DENND2B: variants seen among roughly 807,000 people sequenced by gnomAD.
DENND2B encodes the protein DENN domain containing 2B, also known as DENN domain-containing protein 2B.
In DENND2B, 32 loss-of-function variants were observed where a neutral mutation model predicts 116.0. That is an observed-to-expected ratio of 0.28 (90% CI 0.21 to 0.37). The LOEUF is 0.37. Among genes scored for constraint, DENND2B ranks in the 10% least tolerant of loss-of-function variants. DENND2B has a pLI of 1.00. For missense variants in DENND2B, 1,276 were observed against 1,477.7 expected, an observed-to-expected ratio of 0.86 and a Z score of 2.24; for synonymous variants, 588 against 583.9, an observed-to-expected ratio of 1.01 and a Z score of -0.10.
chr11:8,792,316 T>C (rs962276682), intron 1 of DENND2B, among the ~76,000 whole-genome samples: 1 of 152,118 alleles, frequency 6.6e-6, no homozygotes. Flanking sequence ...AAAGAAAACA[T>C]GAATAAATTT....
At chr11:8,715,511 AG>A (rs780147032) in intron 6 of DENND2B, 91 bp downstream of exon 6, 6 of 1,333,982 alleles carry the variant, frequency 4.5e-6, no homozygotes, top group Non-Finnish European at 6.3e-6. Flanking sequence ...AGTCCAGATT[AG>A]GGAAGGAAGG....
rs202036178 is a variant in DENND2B, at chr11:8,730,554, C to A, written c.736G>T (p.Ala246Ser). ...TAGAAAGAGTCCCGGACAGGGAGCG[C>A]CTCTCCCTCCTCCTCAGTCTCTGGG... ...SYPETEEEGE[A>S]LPVRDSFYRL... The change falls in exon 3 of 20, where the codon GCG becomes TCG. Residue 246 changes from alanine to serine, a missense_variant. Physicochemically the swap from Ala to Ser is moderately conservative, Grantham distance 99. Coordinates refer to ENST00000313726, the MANE Select transcript of DENND2B (RefSeq NM_213618.2). This position sits in a 1 kb window ranked among gnomAD's most constrained non-coding sequence, Gnocchi z 4.1. The A allele has an allele frequency of 3.7e-6, 6 of 1,613,216 alleles. No homozygotes were observed. The Admixed American group carries it at 6.7e-5, about 18-fold the overall frequency.
intron 1 of DENND2B, among the ~76,000 whole-genome samples, chr11:8,797,788 T>C (rs1010887416): frequency 2.0e-5 from 3 of 151,934 alleles, no homozygotes; most frequent in Non-Finnish European, 2.9e-5. Flanking sequence ...TCAGATTCAA[T>C]GTTCCTCTCT....
chr11:8,715,613 C>A lies in DENND2B; in HGVS notation c.1835G>T (p.Arg612Leu). 6.2e-7 allele frequency: 1 copy of A among 1,609,750 alleles called. No individual in the cohort carries two copies. The highest frequency in any genetic ancestry group is 8.5e-7 in the Non-Finnish European group (1 of 1,177,576). ...CTCTGGGGAGGGTACCTTGGGAATG[C>A]GGCGGGCCCGGCGGCTGGACAGCAG... ...SELLSSRRAR[R>L]IPKLVQRINS... The change falls in exon 6 of 20, where the codon CGC becomes CTC. Residue 612 changes from arginine to leucine, a missense_variant. This residue lies in a region of DENND2B where 856 missense variants were observed against 846.6 expected (regional missense o/e 1.01). Transcript: ENST00000313726.
chr11:8,805,113 C>T (rs1285838071), intron 1 of DENND2B, among the ~76,000 whole-genome samples: 4 of 152,196 alleles, frequency 2.6e-5, no homozygotes, highest in Non-Finnish European at 5.9e-5. Flanking sequence ...ATTAAATAAC[C>T]TGCCCAAGGT....
chr11:8,805,780 A>G (rs1426480690), intron 1 of DENND2B, among the ~76,000 whole-genome samples: 1 of 152,178 alleles, frequency 6.6e-6, no homozygotes, highest in Non-Finnish European at 1.5e-5. Flanking sequence ...AACGTCTATT[A>G]TAACATGACA....
At chr11:8,715,024 C>T (rs1254839371) in intron 6 of DENND2B, among the ~76,000 whole-genome samples, 1 of 152,186 alleles carries the variant, frequency 6.6e-6, no homozygotes, top group African/African-American at 2.4e-5. Flanking sequence ...AGTCATTGAA[C>T]CAACTGAGAC....
intron 4 of DENND2B, among the ~76,000 whole-genome samples, chr11:8,723,203 T>C (rs950685908): frequency 1.3e-5 from 2 of 152,170 alleles, no homozygotes; most frequent in Admixed American, 6.5e-5. Context: ...GAGAGGGCTG[T>C]GTTTTTCTGA....
intron 3 of DENND2B, among the ~76,000 whole-genome samples, chr11:8,726,767 A>G (rs2047148820): frequency 6.6e-6 from 1 of 152,156 alleles, no homozygotes; most frequent in African/African-American, 2.4e-5. Flanking sequence ...TGCACTAAGC[A>G]GGTAGGAAGG....
At chr11:8,715,897 C>G in intron 5 of DENND2B, 79 bp from the exon 6 acceptor site, 1 of 1,387,254 alleles carries the variant, frequency 7.2e-7, no homozygotes, top group Non-Finnish European at 9.7e-7. Context: ...GATGGGGACA[C>G]AGAGGCCAAG....
intron 3 of DENND2B, among the ~76,000 whole-genome samples, chr11:8,839,873 GA>G (rs748057609): frequency 2.0e-5 from 3 of 152,168 alleles, no homozygotes; most frequent in African/African-American, 7.2e-5. Flanking sequence ...AGGAGAATGA[GA>G]AAAGGACTAA....
At chr11:8,796,659 G>A (rs2059839162) in intron 1 of DENND2B, among the ~76,000 whole-genome samples, 1 of 152,216 alleles carries the variant, frequency 6.6e-6, no homozygotes, top group East Asian at 1.9e-4. Context: ...CTCTAGAAGA[G>A]ATCTGTACGC....
In DENND2B at chr11:8,693,811, A is replaced by T. The variant is rs2133637549; in HGVS notation, c.*285T>A. 2.9e-6 allele frequency: 1 copy of T among 347,430 alleles called. No homozygotes were observed. The highest frequency in any genetic ancestry group is 7.9e-4 in the Middle Eastern group (1 of 1,262). The allele number at this position is 347,430 out of a possible 1,614,324, so 21.5% of individuals were successfully genotyped here. ...ACTGGCCAGTCACGAGCACCCAGCGAAACTTCATCCATGCTCTGGCAGGAC... is the reference window on the plus strand; with the variant it reads ...ACTGGCCAGTCACGAGCACCCAGCGTAACTTCATCCATGCTCTGGCAGGAC... On this transcript the variant is annotated 3_prime_UTR_variant, in exon 20 of 20. Coordinates refer to ENST00000313726, the MANE Select transcript of DENND2B (RefSeq NM_213618.2).
At chr11:8,776,325 C>T (rs1255682429) in intron 1 of DENND2B, 2 of 435,284 alleles carry the variant, frequency 4.6e-6, no homozygotes, top group Non-Finnish European at 9.2e-6. Context: ...TCCTAGTATG[C>T]TCCAAGGCCC....
intron 3 of DENND2B, among the ~76,000 whole-genome samples, chr11:8,853,451 A>G (rs2063081596): frequency 6.6e-6 from 1 of 152,164 alleles, no homozygotes; most frequent in Non-Finnish European, 1.5e-5. Flanking sequence ...AGAAGGTCCT[A>G]CCTATGAAGA....
At chr11:8,866,430 T>C (rs1196617059) in intron 2 of DENND2B, among the ~76,000 whole-genome samples, 2 of 152,200 alleles carry the variant, frequency 1.3e-5, no homozygotes, top group East Asian at 3.8e-4. Context: ...CAAAGTCTCT[T>C]CTTGAGGCCC....
intron 11 of DENND2B, among the ~76,000 whole-genome samples, chr11:8,710,532 G>T (rs1057202676): frequency 6.6e-6 from 1 of 151,790 alleles, no homozygotes; most frequent in Admixed American, 6.6e-5. Context: ...TGATCCCAAG[G>T]GAAATGACGA....
At position 8,905,624 on chromosome 11, in the gene DENND2B, C is replaced by T. The variant is rs577896111; in HGVS notation, c.-256+5197G>A. Among the ~76,000 whole-genome samples the T allele has an allele frequency of 8.5e-5, 13 of 152,092 alleles. No homozygotes were observed. In the East Asian group the frequency reaches 2.5e-3, roughly 29 times the overall value. ...TAAGAAAATGAAATACATGACACAGCCTGGGAGAAAATACTTATGAATCAT... is the reference window on the plus strand; with the variant it reads ...TAAGAAAATGAAATACATGACACAGTCTGGGAGAAAATACTTATGAATCAT... On this transcript the variant is annotated intron_variant, in intron 1 of 22. Transcript: ENST00000534127.
At chr11:8,740,329 A>G (rs1174078755) in intron 2 of DENND2B, among the ~76,000 whole-genome samples, 1 of 152,202 alleles carries the variant, frequency 6.6e-6, no homozygotes, top group Non-Finnish European at 1.5e-5. Context: ...ACACGCCCCA[A>G]TCCCTGGGCT....
Sources: gnomAD v4.1 joint callset for allele counts (sites outside exome capture counted in the v4.1 genomes callset) on GRCh38, gnomAD v4.1.1 for gene constraint, gnomAD v4.1.1 regional missense constraint, Gnocchi (gnomAD v3.1) non-coding constraint, MANE v1.5 for transcripts, NCBI Gene and HGNC (gene_info 2026-07-23, HGNC 2026-07-21) for gene names.